TSHZ2: variants seen among roughly 807,000 people sequenced by gnomAD.
TSHZ2 encodes the protein teashirt zinc finger homeobox 2.
TSHZ2 carries 21 observed loss-of-function variants against 74.4 expected under a neutral mutation model. The ratio of observed to expected loss-of-function variants is 0.28; its 90% confidence interval spans 0.20 to 0.41. The LOEUF (loss-of-function observed/expected upper bound fraction) is 0.41. Among genes scored for constraint, TSHZ2 ranks in the 10% least tolerant of loss-of-function variants. The probability of loss-of-function intolerance (pLI) is 1.00; values close to 1 mark genes in which losing one functional copy is unlikely to be tolerated. For synonymous variants in TSHZ2, 540 were observed against 515.3 expected (o/e 1.05, Z -0.65); for missense variants, 1,244 against 1,293.5 (o/e 0.96, Z 0.59).
intron 1 of TSHZ2, among the ~76,000 whole-genome samples, chr20:53,015,784 C>T (rs529282046): frequency 9.2e-5 from 14 of 152,176 alleles, no homozygotes; most frequent in African/African-American, 3.4e-4. Context: ...GATCATGCTG[C>T]TGGGACAGGA....
chr20:52,987,532 CCT>C lies in TSHZ2; in HGVS notation c.40+14213_40+14214del, dbSNP rs373185852. 7.8e-3 allele frequency among the ~76,000 whole-genome samples: 1,168 copies of C among 149,412 alleles called. 22 individuals are homozygous for C. The highest frequency in any genetic ancestry group is 0.027 in the African/African-American group (1,106 of 40,730). ...TTCTCCCTCTCTCTCTTCTCTCTCT[CCT>C]CTCTCTCTCTCTCCCCTACCCCCAA... On this transcript the variant is annotated intron_variant, in intron 1 of 2. Coordinates refer to ENST00000371497, the MANE Select transcript of TSHZ2 (RefSeq NM_173485.6).
intron 2 of TSHZ2, among the ~76,000 whole-genome samples, chr20:53,282,814 G>C (rs1345507719): frequency 6.6e-6 from 1 of 152,200 alleles, no homozygotes; most frequent in African/African-American, 2.4e-5. Flanking sequence ...CCAAGCATGT[G>C]ATTTGTGTCA....
intron 1 of TSHZ2, among the ~76,000 whole-genome samples, chr20:53,182,986 T>C (rs1027987869): frequency 5.3e-5 from 8 of 152,336 alleles, no homozygotes; most frequent in African/African-American, 1.9e-4. Flanking sequence ...TCAGGACAAG[T>C]GGCCTGTTCT....
At chr20:53,114,398 C>T (rs1014316254) in intron 1 of TSHZ2, among the ~76,000 whole-genome samples, 2 of 151,926 alleles carry the variant, frequency 1.3e-5, no homozygotes, top group Admixed American at 1.3e-4. Flanking sequence ...AACTTCAGAC[C>T]CTCATCTATA....
chr20:52,995,378 C>T (rs980204435), intron 1 of TSHZ2, among the ~76,000 whole-genome samples: 1 of 152,194 alleles, frequency 6.6e-6, no homozygotes, highest in Non-Finnish European at 1.5e-5. Flanking sequence ...TGGGGTTGAC[C>T]TTAACCTACA....
At chr20:53,373,284 G>A (rs1046548306) in intron 2 of TSHZ2, among the ~76,000 whole-genome samples, 3 of 152,156 alleles carry the variant, frequency 2.0e-5, no homozygotes, top group African/African-American at 7.2e-5. Flanking sequence ...CACCCTCTGT[G>A]CTCTAAGAGG....
intron 2 of TSHZ2, among the ~76,000 whole-genome samples, chr20:53,460,524 G>A (rs950144811): frequency 2.9e-4 from 44 of 152,170 alleles, no homozygotes; most frequent in East Asian, 5.8e-4. Flanking sequence ...TAATTTGATC[G>A]TCTGAAGCCT....
intron 1 of TSHZ2, among the ~76,000 whole-genome samples, chr20:53,127,826 G>A (rs200355751): frequency 6.6e-6 from 1 of 152,328 alleles, no homozygotes; most frequent in East Asian, 1.9e-4. Flanking sequence ...AGAGGGCCAG[G>A]AAGAGGCAGA....
At chr20:53,461,251 T>A (rs981530061) in intron 2 of TSHZ2, among the ~76,000 whole-genome samples, 3 of 152,074 alleles carry the variant, frequency 2.0e-5, no homozygotes, top group Non-Finnish European at 2.9e-5. Context: ...TGGTGCGCCG[T>A]TTTTTAAGCC....
intron 1 of TSHZ2, among the ~76,000 whole-genome samples, chr20:53,149,419 A>G (rs1047679690): frequency 6.6e-5 from 10 of 152,186 alleles, no homozygotes; most frequent in African/African-American, 2.4e-4. Context: ...ACTGTCAACG[A>G]TAGGCTAAAA....
At chr20:53,110,298 C>G (rs1026770497) in intron 1 of TSHZ2, among the ~76,000 whole-genome samples, 1 of 151,974 alleles carries the variant, frequency 6.6e-6, no homozygotes, top group Admixed American at 6.6e-5. Flanking sequence ...TTTTTCAGCC[C>G]ACCGTGACCC....
At chr20:53,245,582 C>A (rs1600764434) in intron 1 of TSHZ2, among the ~76,000 whole-genome samples, 1 of 152,214 alleles carries the variant, frequency 6.6e-6, no homozygotes, top group African/African-American at 2.4e-5. Flanking sequence ...CAATTTACAT[C>A]CAAACTTCTC....
chr20:53,254,904 G>T lies in TSHZ2; in HGVS notation c.1446G>T (p.Glu482Asp). ...AGGATGAGAAAGTCGTGAAAAGCGA[G>T]GACTATGAAGATCCTCTACAAAAAC... The part of the protein sequence containing the change: ...TSKDEKVVKS[E>D]DYEDPLQKPL... The change falls in exon 2 of 3, where the codon GAG becomes GAT. Residue 482 changes from glutamate to aspartate, a missense_variant. This residue lies in a region of TSHZ2 where 562 missense variants were observed against 544.0 expected (regional missense o/e 1.03). Coordinates refer to ENST00000371497, the MANE Select transcript of TSHZ2 (RefSeq NM_173485.6). 1 of 1,613,970 alleles carries T rather than the reference G, an allele frequency of 6.2e-7. No homozygotes were observed. The highest frequency in any genetic ancestry group is 8.5e-7 in the Non-Finnish European group (1 of 1,180,006).
chr20:53,483,682 T>C (rs1249175865), intron 2 of TSHZ2, among the ~76,000 whole-genome samples: 1 of 152,212 alleles, frequency 6.6e-6, no homozygotes, highest in Non-Finnish European at 1.5e-5. Context: ...CTGAGTTAAG[T>C]AAAGACACAC....
intron 1 of TSHZ2, among the ~76,000 whole-genome samples, chr20:53,240,750 GATA>G: frequency 6.6e-6 from 1 of 152,016 alleles, no homozygotes; most frequent in Admixed American, 6.6e-5. Context: ...TAGATAGATA[GATA>G]GATAGATAGA....
chr20:53,440,224 A>T (rs942634352), intron 2 of TSHZ2, among the ~76,000 whole-genome samples: 2 of 152,074 alleles, frequency 1.3e-5, no homozygotes, highest in Non-Finnish European at 2.9e-5. Flanking sequence ...AGGAGAAGCG[A>T]GTTTGGTGGT....
In TSHZ2 at chr20:53,201,150, G is replaced by T. The variant is rs531176756; in HGVS notation, c.41-52349G>T. Among the ~76,000 whole-genome samples the T allele has an allele frequency of 2.8e-4, 43 of 152,256 alleles. No homozygotes were observed. The South Asian group carries it at 5.0e-3, about 18-fold the overall frequency. ...AAATTATCAAAGAGTTCTGAGCAGA[G>T]TAAACTCATCTGACTTACATTTGTA... On this transcript the variant is annotated intron_variant, in intron 1 of 2. Transcript: ENST00000371497.
chr20:53,136,518 T>A (rs1165149381), intron 1 of TSHZ2, among the ~76,000 whole-genome samples: 1 of 152,208 alleles, frequency 6.6e-6, no homozygotes, highest in African/African-American at 2.4e-5. Flanking sequence ...TTCAATATTT[T>A]ATTACCTCTC....
intron 1 of TSHZ2, among the ~76,000 whole-genome samples, chr20:53,100,438 G>A (rs1986184789): frequency 6.6e-6 from 1 of 152,138 alleles, no homozygotes; most frequent in African/African-American, 2.4e-5. Context: ...AAAATAAAGT[G>A]CATATTATTA....
Sources: gnomAD v4.1 joint callset for allele counts (sites outside exome capture counted in the v4.1 genomes callset) on GRCh38, gnomAD v4.1.1 for gene constraint, gnomAD v4.1.1 regional missense constraint, MANE v1.5 for transcripts, NCBI Gene and HGNC (gene_info 2026-07-23, HGNC 2026-07-21) for gene names.